EEA1: variants seen among roughly 807,000 people sequenced by gnomAD.
EEA1 encodes early endosome antigen 1, 162kD.
In EEA1, 111 loss-of-function variants were observed where a neutral mutation model predicts 209.2. The observed-to-expected ratio is 0.53, with a 90% CI of 0.45 to 0.62. The LOEUF (loss-of-function observed/expected upper bound fraction) is 0.62, where lower values mean the gene tolerates loss of function less well. Ranked by LOEUF, EEA1 falls within the 20% of genes least tolerant of loss-of-function variation. The probability of loss-of-function intolerance (pLI) is 0.00; values close to 1 mark genes in which losing one functional copy is unlikely to be tolerated. For synonymous variants in EEA1, 536 were observed against 540.6 expected, an observed-to-expected ratio of 0.99 and a Z score of 0.12; for missense variants, 1,343 against 1,530.8, an observed-to-expected ratio of 0.88 and a Z score of 2.05.
At chr12:92,812,551 TAC>T (rs1251852566) in intron 16 of EEA1, among the ~76,000 whole-genome samples, 1 of 152,164 alleles carries the variant, frequency 6.6e-6, no homozygotes, top group African/African-American at 2.4e-5. Context: ...AGGTAGAATA[TAC>T]AGTGTTCTTT....
chr12:92,904,539 T>A (rs1880288574), intron 1 of EEA1, among the ~76,000 whole-genome samples: 1 of 152,218 alleles, frequency 6.6e-6, no homozygotes, highest in Non-Finnish European at 1.5e-5. Context: ...GACTAAGGGA[T>A]CAGTCCCTTA....
intron 10 of EEA1, among the ~76,000 whole-genome samples, chr12:92,833,574 A>T (rs936416723): frequency 1.3e-5 from 2 of 152,350 alleles, no homozygotes; most frequent in Non-Finnish European, 2.9e-5. Context: ...AAACATATTT[A>T]AGCAAAAAAC....
Position 92,832,751 on chromosome 12 carries a change from G to A in EEA1, c.1015C>T (p.Leu339Phe). 6.2e-7 allele frequency: 1 copy of A among 1,613,856 alleles called. No individual in the cohort carries two copies. Among genetic ancestry groups the A allele is most frequent in the African/African-American group, 1.3e-5 (1 of 75,002 alleles). ...SVSKKNIQATLHQKDLDCQQL... is the reference protein window; with the variant it reads ...SVSKKNIQATFHQKDLDCQQL... Reference sequence around the variant, plus strand: ...TGACAATCTAGGTCTTTTTGATGAAGGGTTGCCTGAATATTCTTTTTACTC... The same window carrying A: ...TGACAATCTAGGTCTTTTTGATGAAAGGTTGCCTGAATATTCTTTTTACTC... Residue 339 changes from leucine to phenylalanine, a missense_variant, in exon 11 of 29, where the codon CTT becomes TTT. Leu to Phe is a conservative substitution (Grantham distance 22, BLOSUM62 0). This residue lies in a region of EEA1 where 1,307 missense variants were observed against 1,465.5 expected (regional missense o/e 0.89). Transcript: ENST00000322349.
chr12:92,881,789 CAATGA>C (rs1565848417), intron 2 of EEA1, among the ~76,000 whole-genome samples: 1 of 152,136 alleles, frequency 6.6e-6, no homozygotes, highest in African/African-American at 2.4e-5. Flanking sequence ...CTGATGAAAA[CAATGA>C]AATGATATAA....
At chr12:92,913,803 G>A (rs1880666506) in intron 1 of EEA1, among the ~76,000 whole-genome samples, 1 of 152,162 alleles carries the variant, frequency 6.6e-6, no homozygotes, top group Non-Finnish European at 1.5e-5. Context: ...TGGGATTACA[G>A]GCATGTGCCA....
intron 2 of EEA1, among the ~76,000 whole-genome samples, chr12:92,875,911 T>C (rs1228436804): frequency 6.6e-6 from 1 of 152,138 alleles, no homozygotes; most frequent in African/African-American, 2.4e-5. Context: ...GAAATCCACG[T>C]GACTCATTTC....
chr12:92,788,141 AAAC>A (rs1592702000), intron 21 of EEA1, 92 bp from the exon 22 acceptor site: 1 of 1,120,310 alleles, frequency 8.9e-7, no homozygotes, highest in South Asian at 2.4e-5. Flanking sequence ...AGAAAATTCC[AAAC>A]AATAAGATGA....
intron 25 of EEA1, 92 bp from the exon 26 acceptor site, chr12:92,778,271 T>G: frequency 1.0e-6 from 1 of 995,658 alleles, no homozygotes; most frequent in Non-Finnish European, 1.5e-6. Flanking sequence ...ACTGGCAATT[T>G]GCTTCTTCGG....
At chr12:92,782,564 C>T (rs975946157) in intron 22 of EEA1, among the ~76,000 whole-genome samples, 1 of 152,174 alleles carries the variant, frequency 6.6e-6, no homozygotes, top group African/African-American at 2.4e-5. Flanking sequence ...TTAAATGCTT[C>T]ATTATGCATA....
intron 1 of EEA1, among the ~76,000 whole-genome samples, chr12:92,916,929 G>C (rs546811477): frequency 1.3e-5 from 2 of 150,854 alleles, no homozygotes; most frequent in Admixed American, 6.6e-5. Flanking sequence ...ACCAAGGCTC[G>C]AGAACTACGT....
intron 23 of EEA1, among the ~76,000 whole-genome samples, chr12:92,780,741 A>C (rs1018655241): frequency 1.3e-5 from 2 of 152,164 alleles, no homozygotes; most frequent in Non-Finnish European, 2.9e-5. Context: ...GTATCTAGTT[A>C]GGATATTATC....
chr12:92,922,993 A>G (rs1035333409), intron 1 of EEA1, among the ~76,000 whole-genome samples: 1 of 142,738 alleles, frequency 7.0e-6, no homozygotes, highest in Admixed American at 6.9e-5. Context: ...ATAAAATAAA[A>G]TAAAGATTAC....
chr12:92,880,077 T>C (rs990424560), intron 2 of EEA1, among the ~76,000 whole-genome samples: 2 of 152,258 alleles, frequency 1.3e-5, no homozygotes, highest in Non-Finnish European at 2.9e-5. Context: ...CATGTAGCCA[T>C]GCATGGCATG....
chr12:92,926,937 C>A (rs1261848366), intron 1 of EEA1, among the ~76,000 whole-genome samples: 2 of 152,174 alleles, frequency 1.3e-5, no homozygotes, highest in East Asian at 1.9e-4. Flanking sequence ...ACCTCCCAAA[C>A]AGCCTGTGAG....
chr12:92,864,086 T>C (rs752486552), intron 3 of EEA1, among the ~76,000 whole-genome samples: 2 of 152,226 alleles, frequency 1.3e-5, no homozygotes, highest in African/African-American at 2.4e-5. Context: ...CCAAAAGCAC[T>C]GGTTTTCCCA....
At chr12:92,876,790 G>A (rs1444510093) in intron 2 of EEA1, among the ~76,000 whole-genome samples, 2 of 118,362 alleles carry the variant, frequency 1.7e-5, no homozygotes, top group Non-Finnish European at 3.5e-5. Flanking sequence ...AAGACTATGA[G>A]AAGAAATGAA....
chr12:92,820,113 T>C (rs1875976919), intron 13 of EEA1, among the ~76,000 whole-genome samples: 2 of 152,198 alleles, frequency 1.3e-5, no homozygotes, highest in Non-Finnish European at 2.9e-5. Flanking sequence ...CATTAAAATG[T>C]ATACTCTAAA....
At chr12:92,818,706 A>G (rs921552114) in intron 14 of EEA1, among the ~76,000 whole-genome samples, 1 of 152,150 alleles carries the variant, frequency 6.6e-6, no homozygotes, top group African/African-American at 2.4e-5. Context: ...TAACTCTCTT[A>G]TTACACAATT....
intron 18 of EEA1, among the ~76,000 whole-genome samples, chr12:92,803,795 A>G (rs1334514539): frequency 1.3e-5 from 2 of 152,162 alleles, no homozygotes; most frequent in Non-Finnish European, 2.9e-5. Flanking sequence ...TGGAAAAGTC[A>G]TTATACTAAT....
Sources: allele counts gnomAD v4.1 joint callset (sites outside exome capture counted in the v4.1 genomes callset), GRCh38; gene constraint gnomAD v4.1.1; regional missense constraint gnomAD v4.1.1; transcripts MANE v1.5; gene names NCBI Gene and HGNC (gene_info 2026-07-23, HGNC 2026-07-21).